REDIC1: variants seen among roughly 807,000 people sequenced by gnomAD.
REDIC1 encodes the protein regulator of DNA class I crossover intermediates 1, also known as HEI10 Interacting Protein 1.
At chr12:39,712,047 TGTATGTATATATACATGTATATATACCG>T in the REDIC1 span, among the ~76,000 whole-genome samples, 1 of 140,150 alleles carries the variant, frequency 7.1e-6, no homozygotes, top group East Asian at 2.3e-4. Context: ...TATACCTACC[TGTATGTATATATACATGTATATATACCG>T]GTATGTATAT....
At chr12:39,641,790 A>G in the REDIC1 span, among the ~76,000 whole-genome samples, 1 of 151,752 alleles carries the variant, frequency 6.6e-6, no homozygotes, top group African/African-American at 2.4e-5. Context: ...TTCAATAAAA[A>G]CAATGGAGTG....
At chr12:39,762,613 TAAA>T in the REDIC1 span, among the ~76,000 whole-genome samples, 1 of 151,844 alleles carries the variant, frequency 6.6e-6, no homozygotes, top group Non-Finnish European at 1.5e-5. Context: ...TATGAAACAA[TAAA>T]AAAGGAGGCA....
the REDIC1 span, among the ~76,000 whole-genome samples, chr12:39,670,905 T>C: frequency 2.0e-5 from 3 of 152,116 alleles, no homozygotes; most frequent in South Asian, 6.2e-4. Context: ...GTGATATCTC[T>C]CTTTGTGAAT....
At chr12:39,817,414 G>A in the REDIC1 span, among the ~76,000 whole-genome samples, 2 of 128,736 alleles carry the variant, frequency 1.6e-5, no homozygotes, top group African/African-American at 5.1e-5. Context: ...GCTTCTAGTT[G>A]TGGGTCATCT....
chr12:39,789,136 T>C, the REDIC1 span, among the ~76,000 whole-genome samples: 92 of 152,270 alleles, frequency 6.0e-4, no homozygotes, highest in Non-Finnish European at 2.9e-4. Flanking sequence ...TTAGAAGCTC[T>C]CTGTGAACCA....
At chr12:39,728,848 G>A in the REDIC1 span, among the ~76,000 whole-genome samples, 1 of 138,522 alleles carries the variant, frequency 7.2e-6, no homozygotes, top group Non-Finnish European at 1.5e-5. Flanking sequence ...CTTGTTATTG[G>A]TGTATTCAAG....
At chr12:39,630,887 T>C in the REDIC1 span, among the ~76,000 whole-genome samples, 2 of 152,224 alleles carry the variant, frequency 1.3e-5, no homozygotes, top group East Asian at 3.8e-4. Flanking sequence ...ATCATCCTAG[T>C]TTGCCTGAAA....
At chr12:39,775,462 A>G in the REDIC1 span, among the ~76,000 whole-genome samples, 1 of 152,260 alleles carries the variant, frequency 6.6e-6, no homozygotes, top group Non-Finnish European at 1.5e-5. Flanking sequence ...TTAACAGGCT[A>G]CGGGCTCAGA....
At chr12:39,638,167 G>T in the REDIC1 span, among the ~76,000 whole-genome samples, 1 of 152,056 alleles carries the variant, frequency 6.6e-6, no homozygotes, top group African/African-American at 2.4e-5. Context: ...TTTGCAGCTA[G>T]TGATACATGA....
the REDIC1 span, among the ~76,000 whole-genome samples, chr12:39,699,630 G>A: frequency 0.1 from 15,349 of 152,092 alleles, 920 homozygotes; most frequent in Middle Eastern, 0.14. Flanking sequence ...GCCTCTGTAG[G>A]CTCCACCTCT....
the REDIC1 span, among the ~76,000 whole-genome samples, chr12:39,702,268 C>T: frequency 6.6e-6 from 1 of 152,132 alleles, no homozygotes; most frequent in African/African-American, 2.4e-5. Flanking sequence ...ACCGATCCCA[C>T]AGAAATACAA....
At chr12:39,666,852 G>A in the REDIC1 span, among the ~76,000 whole-genome samples, 25 of 152,216 alleles carry the variant, frequency 1.6e-4, no homozygotes, top group South Asian at 2.1e-4. Flanking sequence ...GTTTATTTGC[G>A]TAGAGGTGTT....
chr12:39,711,589 G>GCATGTGCA, the REDIC1 span, among the ~76,000 whole-genome samples: 69 of 114,130 alleles, frequency 6.0e-4, no homozygotes, highest in Middle Eastern at 6.0e-3. Flanking sequence ...ACATGCATGT[G>GCATGTGCA]TATATGTGTA....
chr12:39,684,398 C>A, the REDIC1 span: 1 of 411,764 alleles, frequency 2.4e-6, no homozygotes, highest in Non-Finnish European at 3.3e-6. Context: ...AATTTTTATT[C>A]TGGAAGTGAT....
the REDIC1 span, chr12:39,830,483 G>A: frequency 8.5e-7 from 1 of 1,183,022 alleles, no homozygotes; most frequent in Non-Finnish European, 1.1e-6. Context: ...CTGAGAGACT[G>A]AATGTAGAAG....
At chr12:39,670,242 G>A in the REDIC1 span, among the ~76,000 whole-genome samples, 3 of 152,178 alleles carry the variant, frequency 2.0e-5, no homozygotes, top group Non-Finnish European at 4.4e-5. Context: ...CCAGGCTGGA[G>A]TGTAATGGTG....
chr12:39,684,286 C>T, the REDIC1 span: 7 of 957,098 alleles, frequency 7.3e-6, no homozygotes, highest in Non-Finnish European at 8.7e-6. Context: ...CTAGTAGTTT[C>T]TAGCTAAAAT....
chr12:39,684,670 G>A, the REDIC1 span, among the ~76,000 whole-genome samples: 5 of 152,142 alleles, frequency 3.3e-5, no homozygotes, highest in South Asian at 4.1e-4. Flanking sequence ...TTGAGGTAGT[G>A]ATTTTAAACT....
the REDIC1 span, among the ~76,000 whole-genome samples, chr12:39,726,875 A>G: frequency 6.6e-6 from 1 of 152,216 alleles, no homozygotes; most frequent in African/African-American, 2.4e-5. Flanking sequence ...GCGAGATGGT[A>G]TCTCATTCTG....
Sources: allele counts gnomAD v4.1 joint callset (sites outside exome capture counted in the v4.1 genomes callset), GRCh38; gene constraint gnomAD v4.1.1; transcripts MANE v1.5; gene names NCBI Gene and HGNC (gene_info 2026-07-23, HGNC 2026-07-21).